The following FGGY variants were observed in gnomAD, a reference collection of about 807,000 sequenced individuals.
FGGY encodes the protein FGGY carbohydrate kinase domain containing.
FGGY carries 72 observed loss-of-function variants against 71.3 expected under a neutral mutation model. The ratio of observed to expected loss-of-function variants is 1.01; its 90% CI spans 0.84 to 1.23. FGGY has a LOEUF of 1.23. Among genes scored for constraint, FGGY ranks in the 50% most tolerant of loss-of-function variants. FGGY has a pLI of 0.00. For missense variants in FGGY, 668 were observed against 682.3 expected, an observed-to-expected ratio of 0.98 and a Z score of 0.23; for synonymous variants, 251 against 250.3, an observed-to-expected ratio of 1.00 and a Z score of -0.02.
chr1:59,352,883 A>G (rs966076801), intron 4 of FGGY, among the ~76,000 whole-genome samples: 4 of 152,234 alleles, frequency 2.6e-5, no homozygotes, highest in African/African-American at 9.6e-5. Context: ...AAGATAGACA[A>G]TATAAGTTTC....
chr1:59,401,188 A>G (rs1451467792), intron 5 of FGGY, among the ~76,000 whole-genome samples: 1 of 152,228 alleles, frequency 6.6e-6, no homozygotes, highest in Non-Finnish European at 1.5e-5. Context: ...TAATTGGCAC[A>G]TAATAACAGT....
At chr1:59,489,727 T>C (rs1483706674) in intron 6 of FGGY, among the ~76,000 whole-genome samples, 1 of 152,190 alleles carries the variant, frequency 6.6e-6, no homozygotes, top group African/African-American at 2.4e-5. Context: ...TTTGGATAAA[T>C]GCCCCAGTGG....
intron 4 of FGGY, among the ~76,000 whole-genome samples, chr1:59,369,081 C>T (rs2057083810): frequency 6.6e-6 from 1 of 152,158 alleles, no homozygotes; most frequent in African/African-American, 2.4e-5. Context: ...GGGTGCAGCG[C>T]ACTGTGCGCA....
rs374468271 is a variant in FGGY at position 59,665,922 on chromosome 1, C to T, written c.1297-1361C>T. 1.6e-4 allele frequency among the ~76,000 whole-genome samples: 24 copies of T among 152,334 alleles called. No homozygotes were observed. In the East Asian group the frequency reaches 4.6e-3, roughly 29 times the overall value. On this transcript the variant is annotated intron_variant, in intron 12 of 15. Coordinates refer to ENST00000303721, the MANE Select transcript of FGGY (RefSeq NM_018291.5). ...TCTCCTGACCTCATGATCCGCCCGCCTTGGCCTCCCAAAGTGCTGGGATTA... is the reference window on the plus strand; with the variant it reads ...TCTCCTGACCTCATGATCCGCCCGCTTTGGCCTCCCAAAGTGCTGGGATTA...
At position 59,373,587 on chromosome 1, in the gene FGGY, C is replaced by T. The variant is rs539054765; in HGVS notation, c.466-5162C>T. Among the ~76,000 whole-genome samples the T allele has an allele frequency of 3.0e-3, 456 of 152,220 alleles. 1 individual carries two copies. Among genetic ancestry groups the T allele is most frequent in the African/African-American group, 0.01 (431 of 41,524 alleles). ...AGTTCATATGGAACCAAAAAAGAGC[C>T]CGCATCCCCAAGTCAATCCTAAGCC... On this transcript the variant is annotated intron_variant, in intron 4 of 15. Transcript: ENST00000303721.
intron 5 of FGGY, among the ~76,000 whole-genome samples, chr1:59,394,130 G>GAGTGCCAATAATGGGCCT (rs1340039624): frequency 3.3e-5 from 5 of 152,210 alleles, no homozygotes; most frequent in African/African-American, 1.2e-4. Flanking sequence ...TTCTAGAGGT[G>GAGTGCCAATAATGGGCCT]AGTGCCAATA....
chr1:59,741,938 CAAA>C (rs11347068), intron 14 of FGGY, among the ~76,000 whole-genome samples: 9 of 85,190 alleles, frequency 1.1e-4, no homozygotes, highest in Admixed American at 2.5e-4. Context: ...GACTCCATCT[CAAA>C]AAAAAAAAAA....
At chr1:59,371,304 C>T (rs1179880029) in intron 4 of FGGY, among the ~76,000 whole-genome samples, 2 of 152,010 alleles carry the variant, frequency 1.3e-5, no homozygotes, top group Non-Finnish European at 2.9e-5. Context: ...TCAAAAGAGA[C>T]AAAGAAGGCC....
At chr1:59,725,048 C>T (rs2097930587) in intron 14 of FGGY, among the ~76,000 whole-genome samples, 1 of 152,074 alleles carries the variant, frequency 6.6e-6, no homozygotes, top group Admixed American at 6.5e-5. Context: ...CCAAGGTCAC[C>T]TAAATTTTTT....
rs2153587722 is a variant in FGGY at position 59,491,778 on chromosome 1, G to C, written c.671-20533G>C. Among the ~76,000 whole-genome samples, 2 of 151,870 alleles carry C rather than the reference G, an allele frequency of 1.3e-5. 1 individual carries two copies. Among genetic ancestry groups the C allele is most frequent in the South Asian group, 4.2e-4 (2 of 4,806 alleles). ...GATACCTATTTTAAAAGAGTGGCAT[G>C]TGAGAAAAATACAGGAAATAGAGCC... is the stretch of plus-strand genomic sequence containing the variant. On this transcript the variant is annotated intron_variant, in intron 6 of 15. Transcript: ENST00000303721.
chr1:59,302,459 C>A (rs1329043390), intron 1 of FGGY, among the ~76,000 whole-genome samples: 1 of 152,058 alleles, frequency 6.6e-6, no homozygotes, highest in East Asian at 1.9e-4. Flanking sequence ...TACATATGCA[C>A]CATGGAATAC....
chr1:59,655,142 G>A (rs569486511), intron 11 of FGGY, among the ~76,000 whole-genome samples: 94 of 152,260 alleles, frequency 6.2e-4, no homozygotes, highest in Non-Finnish European at 6.0e-4. Flanking sequence ...CCCACAGCAT[G>A]GTGAAGGAGA....
chr1:59,523,187 T>C (rs2094884233), intron 7 of FGGY, among the ~76,000 whole-genome samples: 1 of 152,210 alleles, frequency 6.6e-6, no homozygotes, highest in South Asian at 2.1e-4. Flanking sequence ...TAGAAAAGTG[T>C]GTGTTTGGGG....
chr1:59,331,938 G>C (rs2048569602), intron 2 of FGGY: 1 of 152,138 alleles, frequency 6.6e-6, no homozygotes, highest in Non-Finnish European at 1.5e-5. Context: ...AAAGAATACA[G>C]TACCTGCCAC....
At chr1:59,596,124 T>G (rs1449134686) in intron 8 of FGGY, among the ~76,000 whole-genome samples, 1 of 152,206 alleles carries the variant, frequency 6.6e-6, no homozygotes, top group East Asian at 1.9e-4. Context: ...TACTGTCCCT[T>G]GCCTCTGTGT....
chr1:59,438,078 G>C (rs1226673521), intron 5 of FGGY, among the ~76,000 whole-genome samples: 2 of 152,202 alleles, frequency 1.3e-5, no homozygotes, highest in East Asian at 3.8e-4. Context: ...TGTTTATTGA[G>C]GGCCAGTATA....
chr1:59,661,661 TATG>T (rs1033603850), intron 12 of FGGY, among the ~76,000 whole-genome samples: 7 of 152,114 alleles, frequency 4.6e-5, no homozygotes, highest in African/African-American at 1.7e-4. Flanking sequence ...TAATGATGAT[TATG>T]ATGATAATAA....
chr1:59,626,191 C>T, intron 10 of FGGY, 142 bp downstream of exon 10: 11 of 609,084 alleles, frequency 1.8e-5, no homozygotes, highest in Non-Finnish European at 3.2e-5. Flanking sequence ...CCTGGATGAT[C>T]CAGAAGATAG....
chr1:59,599,479 G>A (rs1184861405), intron 8 of FGGY, among the ~76,000 whole-genome samples: 1 of 151,866 alleles, frequency 6.6e-6, no homozygotes, highest in Non-Finnish European at 1.5e-5. Flanking sequence ...CGGATCACTT[G>A]AGGTCAGGAG....
Sources: allele counts gnomAD v4.1 joint callset (sites outside exome capture counted in the v4.1 genomes callset), GRCh38; gene constraint gnomAD v4.1.1; transcripts MANE v1.5; gene names NCBI Gene and HGNC (gene_info 2026-07-23, HGNC 2026-07-21).